QTMAN: variants seen among roughly 807,000 people sequenced by gnomAD.
QTMAN encodes the protein queuosine-tRNA mannosyltransferase.
the QTMAN span, chr2:143,963,795 C>T: frequency 6.6e-6 from 1 of 151,910 alleles, no homozygotes; most frequent in South Asian, 2.1e-4. Flanking sequence ...CTTACTTTTC[C>T]CATTATGTTT....
the QTMAN span, among the ~76,000 whole-genome samples, chr2:143,947,499 C>T: frequency 6.6e-6 from 1 of 152,126 alleles, no homozygotes; most frequent in Non-Finnish European, 1.5e-5. Flanking sequence ...ACTGTACATA[C>T]AAGTTTCTGC....
At chr2:144,215,985 T>C in the QTMAN span, among the ~76,000 whole-genome samples, 1 of 152,186 alleles carries the variant, frequency 6.6e-6, no homozygotes, top group Non-Finnish European at 1.5e-5. Flanking sequence ...ACTCATTTCC[T>C]GGCCCCTTCC....
chr2:143,963,586 C>T, the QTMAN span, among the ~76,000 whole-genome samples: 1 of 151,604 alleles, frequency 6.6e-6, no homozygotes, highest in Non-Finnish European at 1.5e-5. Flanking sequence ...TTCATGATTC[C>T]TTTGCTAGTT....
chr2:144,186,686 T>C, the QTMAN span, among the ~76,000 whole-genome samples: 22 of 152,322 alleles, frequency 1.4e-4, no homozygotes, highest in South Asian at 4.1e-3. Context: ...TATTATTAAT[T>C]TAGTCATCCT....
the QTMAN span, chr2:144,317,736 T>A: frequency 2.6e-5 from 4 of 152,180 alleles, no homozygotes; most frequent in African/African-American, 9.7e-5. Context: ...ACAAAACTAG[T>A]TTTAAACATC....
At chr2:144,320,575 T>C in the QTMAN span, among the ~76,000 whole-genome samples, 3 of 152,168 alleles carry the variant, frequency 2.0e-5, no homozygotes, top group Non-Finnish European at 4.4e-5. Context: ...TCAGGTCAAA[T>C]TCCAGTTCTC....
chr2:144,013,785 C>A, the QTMAN span, among the ~76,000 whole-genome samples: 1 of 152,114 alleles, frequency 6.6e-6, no homozygotes, highest in Non-Finnish European at 1.5e-5. Context: ...TGATTTACAA[C>A]AAAAACTATT....
At chr2:144,292,684 C>T in the QTMAN span, among the ~76,000 whole-genome samples, 2 of 152,022 alleles carry the variant, frequency 1.3e-5, no homozygotes, top group African/African-American at 2.4e-5. Flanking sequence ...TATCTACATG[C>T]TTACAATGGA....
At chr2:144,244,592 G>A in the QTMAN span, among the ~76,000 whole-genome samples, 1 of 152,134 alleles carries the variant, frequency 6.6e-6, no homozygotes, top group Non-Finnish European at 1.5e-5. Context: ...ATTAAACTAG[G>A]ATACTAATAT....
the QTMAN span, among the ~76,000 whole-genome samples, chr2:144,187,889 G>T: frequency 6.6e-6 from 1 of 152,004 alleles, no homozygotes; most frequent in Non-Finnish European, 1.5e-5. Context: ...GATTAGTGTG[G>T]GCCCTAAATC....
At chr2:144,009,687 C>T in the QTMAN span, among the ~76,000 whole-genome samples, 10 of 151,950 alleles carry the variant, frequency 6.6e-5, no homozygotes, top group African/African-American at 2.2e-4. Flanking sequence ...TAAATTTAGT[C>T]CTTGATTTAA....
At chr2:144,131,387 C>G in the QTMAN span, among the ~76,000 whole-genome samples, 118 of 151,916 alleles carry the variant, frequency 7.8e-4, no homozygotes, top group Non-Finnish European at 1.3e-3. Flanking sequence ...TGTGTGCTTC[C>G]TCCTTTTCAT....
At chr2:144,085,285 T>C in the QTMAN span, among the ~76,000 whole-genome samples, 1 of 152,258 alleles carries the variant, frequency 6.6e-6, no homozygotes, top group East Asian at 1.9e-4. Context: ...AACTCTGTCC[T>C]AGGACATGCA....
At chr2:144,050,601 G>A in the QTMAN span, among the ~76,000 whole-genome samples, 10 of 152,174 alleles carry the variant, frequency 6.6e-5, no homozygotes, top group East Asian at 1.9e-3. Flanking sequence ...GACACAAAAA[G>A]GGCAATTGAT....
At chr2:143,977,754 TAA>T in the QTMAN span, among the ~76,000 whole-genome samples, 1 of 152,196 alleles carries the variant, frequency 6.6e-6, no homozygotes, top group African/African-American at 2.4e-5. Flanking sequence ...ATACAGAAAT[TAA>T]GTTATCAAAA....
At chr2:144,097,755 T>A in the QTMAN span, among the ~76,000 whole-genome samples, 2 of 152,210 alleles carry the variant, frequency 1.3e-5, no homozygotes, top group Admixed American at 1.3e-4. Flanking sequence ...TCTGGCTTCC[T>A]CAGCAATGCT....
the QTMAN span, among the ~76,000 whole-genome samples, chr2:144,230,800 AG>A: frequency 2.0e-5 from 3 of 152,180 alleles, no homozygotes; most frequent in Non-Finnish European, 4.4e-5. Flanking sequence ...GTTCAATGTT[AG>A]TAAGATTGTT....
chr2:143,998,972 T>C, the QTMAN span, among the ~76,000 whole-genome samples: 1,683 of 152,004 alleles, frequency 0.011, 10 homozygotes, highest in Non-Finnish European at 0.017. Context: ...CAACTGGACT[T>C]ACTGAGCAGG....
the QTMAN span, among the ~76,000 whole-genome samples, chr2:144,138,274 T>C: frequency 6.6e-6 from 1 of 152,052 alleles, no homozygotes; most frequent in Non-Finnish European, 1.5e-5. Flanking sequence ...GTGGTGACCC[T>C]GACTAAAACT....
Sources: gnomAD v4.1 joint callset for allele counts (sites outside exome capture counted in the v4.1 genomes callset) on GRCh38, gnomAD v4.1.1 for gene constraint, MANE v1.5 for transcripts, NCBI Gene and HGNC (gene_info 2026-07-23, HGNC 2026-07-21) for gene names.